KIF2C: variants seen among roughly 807,000 people sequenced by gnomAD.
KIF2C encodes kinesin family member 2C, also known as kinesin-like protein KIF2C.
Under a neutral mutation model 97.4 loss-of-function variants are expected in KIF2C, and 34 were observed. The observed-to-expected ratio is 0.35, with a 90% CI of 0.27 to 0.46. The LOEUF is 0.46. Ranked by LOEUF, KIF2C falls within the 20% of genes least tolerant of loss-of-function variation. KIF2C has a pLI of 1.00. For synonymous variants in KIF2C, 313 were observed against 318.2 expected, an observed-to-expected ratio of 0.98 and a Z score of 0.17; for missense variants, 750 against 907.6, an observed-to-expected ratio of 0.83 and a Z score of 2.23.
chr1:44,762,067 C>A, intron 17 of KIF2C, 84 bp downstream of exon 17: 2 of 1,224,320 alleles, frequency 1.6e-6, no homozygotes, highest in Non-Finnish European at 2.4e-6. Flanking sequence ...GGCTCTGGGG[C>A]CTCAGGGCCT....
chr1:44,767,197 CTGTT>C lies in KIF2C; in HGVS notation c.*21_*24del. ...CCCAGTGACGACTGCAAATAAAAAT[CTGTT>C]TGGTTTGACACCCAGCCTCTTCCCT... On this transcript the variant is annotated 3_prime_UTR_variant, in exon 21 of 21. Coordinates refer to ENST00000372224, the MANE Select transcript of KIF2C (RefSeq NM_006845.4). 1.9e-6 allele frequency: 3 copies of C among 1,611,906 alleles called. No homozygotes were observed. The highest frequency in any genetic ancestry group is 1.7e-6 in the Non-Finnish European group (2 of 1,178,194).
intron 19 of KIF2C, among the ~76,000 whole-genome samples, chr1:44,763,308 C>T (rs1314329263): frequency 3.3e-5 from 5 of 152,110 alleles, no homozygotes; most frequent in Admixed American, 6.6e-5. Flanking sequence ...AATGGTGGGG[C>T]GCTCAGAGGA....
chr1:44,762,041 T>A, intron 17 of KIF2C, 58 bp downstream of exon 17: 1 of 1,483,684 alleles, frequency 6.7e-7, no homozygotes, highest in Non-Finnish European at 9.4e-7. Flanking sequence ...GGAAGGGCAG[T>A]GATGAGAGGG....
intron 5 of KIF2C, among the ~76,000 whole-genome samples, chr1:44,752,769 T>C (rs536500834): frequency 1.3e-5 from 2 of 152,312 alleles, no homozygotes; most frequent in South Asian, 2.1e-4. Flanking sequence ...CCTGGGTTCC[T>C]GAGGCTTGAG....
In KIF2C at chr1:44,767,430, C is replaced by G. The variant is rs1026063619; in HGVS notation, c.*251C>G. On this transcript the variant is annotated 3_prime_UTR_variant, in exon 21 of 21. Coordinates refer to ENST00000372224, the MANE Select transcript of KIF2C (RefSeq NM_006845.4). The stretch of plus-strand genomic sequence containing the variant: ...CTCTTAGTTACCCTTTTGTGTTGCC[C>G]TTCTTTCCATCAAGGGGAATGTTCT... 5 of 411,976 alleles carry G rather than the reference C, an allele frequency of 1.2e-5. No individual in the cohort carries two copies. The highest frequency in any genetic ancestry group is 2.0e-5 in the African/African-American group (1 of 49,120). The allele number at this position is 411,976 out of a possible 1,614,324, so 25.5% of individuals were successfully genotyped here.
chr1:44,766,295 T>C (rs1650460066), intron 19 of KIF2C, among the ~76,000 whole-genome samples: 1 of 151,948 alleles, frequency 6.6e-6, no homozygotes, highest in African/African-American at 2.4e-5. Context: ...TGTTATTCAT[T>C]TGACATAAGA....
At chr1:44,756,348 G>A (rs1023884855) in intron 10 of KIF2C, 111 bp downstream of exon 10, 14 of 1,148,366 alleles carry the variant, frequency 1.2e-5, no homozygotes, top group Admixed American at 6.0e-5. Context: ...GCTCTTCCTC[G>A]CTTCTTGTGT....
chr1:44,750,487 G>A lies in KIF2C; in HGVS notation c.362G>A (p.Arg121His), dbSNP rs551429749. The change falls in exon 5 of 21, where the codon CGC (arginine) becomes CAC (histidine). Residue 121 changes from arginine to histidine, a missense_variant. Physicochemically the swap from Arg to His is conservative, Grantham distance 29 (BLOSUM62 0). Coordinates refer to ENST00000372224, the MANE Select transcript of KIF2C (RefSeq NM_006845.4). ...STRMSTVSEL[R>H]ITAQENDMEV... ...CGCATGTCCACTGTCTCAGAGCTTCGCATCACGGCTCAGGAGAATGACATG... is the reference window on the plus strand; with the variant it reads ...CGCATGTCCACTGTCTCAGAGCTTCACATCACGGCTCAGGAGAATGACATG... 18 of 1,590,326 alleles carry A rather than the reference G, an allele frequency of 1.1e-5. No homozygotes were observed. Among genetic ancestry groups the A allele is most frequent in the Middle Eastern group, 1.7e-4 (1 of 5,966 alleles).
In KIF2C at chr1:44,750,000, T is replaced by C. The variant is rs1046338044; in HGVS notation, c.317-442T>C. ...GGGAGGCTGAGGCAGGAGAATTGCTTGAACCCAGGAGGTGGAGGTTGCAGT... is the reference window on the plus strand; with the variant it reads ...GGGAGGCTGAGGCAGGAGAATTGCTCGAACCCAGGAGGTGGAGGTTGCAGT... On this transcript the variant is annotated intron_variant, in intron 4 of 20. Transcript: ENST00000372224. Among the ~76,000 whole-genome samples the C allele has an allele frequency of 2.1e-5, 3 of 140,798 alleles. No individual in the cohort carries two copies. The Admixed American group carries it at 2.3e-4, about 11-fold the overall frequency. The allele number at this position is 140,798 out of a possible 152,430, so 92.4% of individuals were successfully genotyped here.
intron 17 of KIF2C, 98 bp downstream of exon 17, chr1:44,762,081 GT>G: frequency 9.2e-7 from 1 of 1,092,820 alleles, no homozygotes; most frequent in South Asian, 1.3e-5. Context: ...AGGGCCTACT[GT>G]ATACTCCTCT....
chr1:44,762,751 A>C (rs1650235203), intron 19 of KIF2C, 93 bp downstream of exon 19: 6 of 775,830 alleles, frequency 7.7e-6, no homozygotes, highest in Admixed American at 6.2e-5. Flanking sequence ...CCTTGTTCCC[A>C]CAGGTATTCA....
intron 19 of KIF2C, among the ~76,000 whole-genome samples, chr1:44,766,540 G>C (rs2148837848): frequency 6.6e-6 from 1 of 152,164 alleles, no homozygotes; most frequent in East Asian, 1.9e-4. Context: ...AAACTCGGGG[G>C]GTGGAGGCTA....
intron 19 of KIF2C, among the ~76,000 whole-genome samples, chr1:44,764,077 G>A (rs1030178384): frequency 2.0e-5 from 3 of 151,798 alleles, no homozygotes; most frequent in Admixed American, 6.6e-5. Flanking sequence ...AACTGTGTCC[G>A]TGTTCATGGG....
At chr1:44,765,926 C>T (rs531699199) in intron 19 of KIF2C, among the ~76,000 whole-genome samples, 1 of 152,152 alleles carries the variant, frequency 6.6e-6, no homozygotes, top group Non-Finnish European at 1.5e-5. Context: ...GTGGCAGGCA[C>T]CTGTAATCCC....
chr1:44,761,017 G>T, intron 16 of KIF2C: 1 of 305,112 alleles, frequency 3.3e-6, no homozygotes, highest in Non-Finnish European at 6.3e-6. Context: ...CAGCAGGAGA[G>T]GGAAGTCCTT....
chr1:44,749,801 G>A (rs1304242744), intron 4 of KIF2C, among the ~76,000 whole-genome samples: 1 of 151,338 alleles, frequency 6.6e-6, no homozygotes, highest in Non-Finnish European at 1.5e-5. Flanking sequence ...AAGATGGGCT[G>A]GGCACGGTGG....
At chr1:44,763,357 T>G (rs1490953070) in intron 19 of KIF2C, among the ~76,000 whole-genome samples, 2 of 152,158 alleles carry the variant, frequency 1.3e-5, no homozygotes, top group Non-Finnish European at 2.9e-5. Flanking sequence ...CAGGTGTAAC[T>G]GAGGAGGGAC....
In KIF2C at chr1:44,750,479, A is replaced by C; in HGVS notation, c.354A>C (p.Ser118=). The C allele has an allele frequency of 6.3e-7, 1 of 1,587,046 alleles. No homozygotes were observed. Among genetic ancestry groups the C allele is most frequent in the Non-Finnish European group, 8.6e-7 (1 of 1,164,402 alleles). Residue 118 remains serine, a synonymous_variant, in exon 5 of 21, where the codon TCA becomes TCC. Coordinates refer to ENST00000372224, the MANE Select transcript of KIF2C (RefSeq NM_006845.4). ...RSRSTRMSTV[S]ELRITAQEND... The stretch of plus-strand genomic sequence containing the variant: ...GCTCCACTCGCATGTCCACTGTCTC[A>C]GAGCTTCGCATCACGGCTCAGGAGA...
At chr1:44,745,678 C>G (rs974880154) in intron 2 of KIF2C, among the ~76,000 whole-genome samples, 4 of 151,472 alleles carry the variant, frequency 2.6e-5, no homozygotes, top group Non-Finnish European at 5.9e-5. Context: ...CCATGTTGGT[C>G]AGGCTGGTCT....
Sources: gnomAD v4.1 joint callset for allele counts (sites outside exome capture counted in the v4.1 genomes callset) on GRCh38, gnomAD v4.1.1 for gene constraint, MANE v1.5 for transcripts, NCBI Gene and HGNC (gene_info 2026-07-23, HGNC 2026-07-21) for gene names.